MICU2: variants seen among roughly 807,000 people sequenced by gnomAD.
MICU2 encodes the protein calcium uptake protein 2, mitochondrial.
Under a neutral mutation model 60.4 loss-of-function variants are expected in MICU2, and 64 were observed. The ratio of observed to expected loss-of-function variants is 1.06; its 90% CI spans 0.87 to 1.31. The LOEUF (loss-of-function observed/expected upper bound fraction) is 1.31. MICU2 is among the 50% of genes most tolerant of loss of function. The pLI is 0.00. For missense variants in MICU2, 569 were observed against 531.0 expected, an observed-to-expected ratio of 1.07 and a Z score of -0.70; for synonymous variants, 201 against 175.0, an observed-to-expected ratio of 1.15 and a Z score of -1.17.
rs1033831746 is a variant in MICU2 at position 21,541,047 on chromosome 13, A to T, written c.359-1359T>A. Among the ~76,000 whole-genome samples the T allele has an allele frequency of 3.9e-5, 6 of 152,264 alleles. No individual in the cohort carries two copies. The South Asian group carries it at 8.3e-4, about 21-fold the overall frequency. ...TTTTTAGACAACTAAAATTAGTCTTATCTGTTTTTAAAAAGCGGATTAATC... is the reference window on the plus strand; with the variant it reads ...TTTTTAGACAACTAAAATTAGTCTTTTCTGTTTTTAAAAAGCGGATTAATC... On this transcript the variant is annotated intron_variant, in intron 2 of 11. Transcript: ENST00000382374.
At chr13:21,516,817 A>G (rs931054836) in intron 6 of MICU2, among the ~76,000 whole-genome samples, 5 of 152,212 alleles carry the variant, frequency 3.3e-5, no homozygotes, top group Admixed American at 3.3e-4. Context: ...TTAGTATGAT[A>G]AAACTATAAT....
intron 4 of MICU2, among the ~76,000 whole-genome samples, chr13:21,536,782 ATAAT>A (rs1887140279): frequency 6.6e-6 from 1 of 152,268 alleles, no homozygotes; most frequent in East Asian, 1.9e-4. Flanking sequence ...ACAGGAAACA[ATAAT>A]TAATTTATCA....
At chr13:21,587,618 T>C (rs1593357893) in intron 1 of MICU2, among the ~76,000 whole-genome samples, 1 of 152,368 alleles carries the variant, frequency 6.6e-6, no homozygotes, top group South Asian at 2.1e-4. Flanking sequence ...ACAATACGAA[T>C]GGATTATAGA....
chr13:21,578,029 A>G (rs1287124620), intron 1 of MICU2, among the ~76,000 whole-genome samples: 1 of 152,020 alleles, frequency 6.6e-6, no homozygotes, highest in Non-Finnish European at 1.5e-5. Context: ...AAATTCCAGT[A>G]GTTATCTGCT....
At chr13:21,559,308 G>C (rs1887782412) in intron 2 of MICU2, among the ~76,000 whole-genome samples, 1 of 152,164 alleles carries the variant, frequency 6.6e-6, no homozygotes, top group Non-Finnish European at 1.5e-5. Context: ...TATTTATCCA[G>C]TCTGTTATTA....
chr13:21,587,801 T>G (rs1229010258), intron 1 of MICU2, among the ~76,000 whole-genome samples: 1 of 152,212 alleles, frequency 6.6e-6, no homozygotes, highest in East Asian at 1.9e-4. Context: ...AAAAGCTGAA[T>G]AGTTAGGTAT....
chr13:21,584,321 G>A (rs1213386270), intron 1 of MICU2, among the ~76,000 whole-genome samples: 1 of 150,550 alleles, frequency 6.6e-6, no homozygotes, highest in African/African-American at 2.4e-5. Flanking sequence ...GCTGGGAGGC[G>A]GAGCTTGCAG....
At chr13:21,496,210 CT>C in intron 9 of MICU2, 50 bp from the exon 10 acceptor site, 1 of 1,341,120 alleles carries the variant, frequency 7.5e-7, no homozygotes, top group East Asian at 2.5e-5. Flanking sequence ...ATTAAATAAT[CT>C]TATAAATGTT....
intron 2 of MICU2, among the ~76,000 whole-genome samples, chr13:21,552,031 CTAGTT>C (rs1412460800): frequency 6.6e-6 from 1 of 152,100 alleles, no homozygotes; most frequent in African/African-American, 2.4e-5. Context: ...AAGGGTTGAA[CTAGTT>C]TACAGTCCCA....
chr13:21,595,399 A>G (rs910794803), intron 1 of MICU2, among the ~76,000 whole-genome samples: 1 of 152,238 alleles, frequency 6.6e-6, no homozygotes, highest in Non-Finnish European at 1.5e-5. Flanking sequence ...AGGCCCTCAC[A>G]GACCAGCCAG....
At chr13:21,549,092 ATT>A (rs745455755) in intron 2 of MICU2, among the ~76,000 whole-genome samples, 1 of 146,376 alleles carries the variant, frequency 6.8e-6, no homozygotes, top group Admixed American at 6.8e-5. Context: ...CACCTGGCTC[ATT>A]TTTTTTTTGC....
At chr13:21,559,437 A>C (rs1018645640) in intron 2 of MICU2, among the ~76,000 whole-genome samples, 1 of 152,220 alleles carries the variant, frequency 6.6e-6, no homozygotes, top group South Asian at 2.1e-4. Context: ...GTGTATATAT[A>C]GGAATGGGAT....
At chr13:21,555,624 T>A (rs1887688486) in intron 2 of MICU2, among the ~76,000 whole-genome samples, 1 of 152,156 alleles carries the variant, frequency 6.6e-6, no homozygotes, top group South Asian at 2.1e-4. Context: ...TATTTTAACT[T>A]CAGAATTAAT....
At chr13:21,583,167 C>G (rs1012685956) in intron 1 of MICU2, among the ~76,000 whole-genome samples, 1 of 152,090 alleles carries the variant, frequency 6.6e-6, no homozygotes, top group African/African-American at 2.4e-5. Context: ...AGGAGGGAGG[C>G]CTGCTTGGGT....
intron 7 of MICU2, among the ~76,000 whole-genome samples, chr13:21,510,437 A>G (rs914404723): frequency 2.0e-5 from 3 of 152,226 alleles, no homozygotes; most frequent in Admixed American, 6.5e-5. Context: ...TTACTAATGA[A>G]GCAGCACTGA....
At chr13:21,541,773 A>G (rs1887288571) in intron 2 of MICU2, among the ~76,000 whole-genome samples, 1 of 152,164 alleles carries the variant, frequency 6.6e-6, no homozygotes, top group South Asian at 2.1e-4. Context: ...AACAAAACTG[A>G]ATAATTATGC....
intron 1 of MICU2, among the ~76,000 whole-genome samples, chr13:21,590,602 C>G (rs116270214): frequency 0.024 from 3,591 of 152,302 alleles, 118 homozygotes; most frequent in African/African-American, 0.077. Flanking sequence ...ATTGGTCGGG[C>G]GTGGTGGCTC....
At chr13:21,593,101 T>A (rs1888618233) in intron 1 of MICU2, among the ~76,000 whole-genome samples, 1 of 152,096 alleles carries the variant, frequency 6.6e-6, no homozygotes, top group Non-Finnish European at 1.5e-5. Flanking sequence ...ACAACATGAT[T>A]TTATATTTAG....
chr13:21,576,818 C>T (rs1160888354), intron 1 of MICU2, among the ~76,000 whole-genome samples: 1 of 152,088 alleles, frequency 6.6e-6, no homozygotes, highest in Non-Finnish European at 1.5e-5. Context: ...TAACCCTATA[C>T]AAAATTTGCT....
Sources: allele counts gnomAD v4.1 joint callset (sites outside exome capture counted in the v4.1 genomes callset), GRCh38; gene constraint gnomAD v4.1.1; transcripts MANE v1.5; gene names NCBI Gene and HGNC (gene_info 2026-07-23, HGNC 2026-07-21).